Variants in SSH1 observed in about 807,000 individuals in gnomAD.
The protein encoded by SSH1 is protein phosphatase Slingshot homolog 1.
In SSH1, 43 loss-of-function variants were observed where a neutral mutation model predicts 79.7. The ratio of observed to expected loss-of-function variants is 0.54; its 90% CI spans 0.42 to 0.70. The LOEUF is 0.70. Ranked by LOEUF, SSH1 falls within the 30% of genes least tolerant of loss-of-function variation. The pLI is 0.00. For missense variants in SSH1, 1,206 were observed against 1,358.8 expected (o/e 0.89, Z 1.77); for synonymous variants, 599 against 538.3 (o/e 1.11, Z -1.56).
chr12:108,789,256 G>C lies in SSH1; in HGVS notation c.1894-12C>G. On this transcript the variant is annotated splice_polypyrimidine_tract_variant and intron_variant, in intron 14 of 14. Transcript: ENST00000326495. ...AATATAGCATCATCCTGCAAGGAAGGGGACAAGAGCATGGTGAGACGGTGC... is the reference window on the plus strand; with the variant it reads ...AATATAGCATCATCCTGCAAGGAAGCGGACAAGAGCATGGTGAGACGGTGC... The C allele has an allele frequency of 6.3e-7, 1 of 1,585,262 alleles. No homozygotes were observed. The highest frequency in any genetic ancestry group is 8.6e-7 in the Non-Finnish European group (1 of 1,164,798).
rs1486186195 is a variant in SSH1, at chr12:108,785,422, C to T, written c.*2566G>A. 6.6e-6 allele frequency: 1 copy of T among 152,146 alleles called. No individual in the cohort carries two copies. The highest frequency in any genetic ancestry group is 2.4e-5 in the African/African-American group (1 of 41,422). 9.4% of individuals were successfully genotyped at this position (152,146 alleles called of 1,614,324 possible). A position where few individuals can be genotyped will look rare whatever the true frequency, so the allele number is the denominator to read the frequency against. The stretch of plus-strand genomic sequence containing the variant: ...CAGGCGTGAGCCACCGCGCCCGGCC[C>T]CATCATACAGCATTTTAAATAGCCA... On this transcript the variant is annotated 3_prime_UTR_variant, in exon 15 of 15. Transcript: ENST00000326495.
intron 2 of SSH1, among the ~76,000 whole-genome samples, chr12:108,852,238 CT>C (rs372321306): frequency 0.041 from 5,599 of 136,772 alleles, 296 homozygotes; most frequent in African/African-American, 0.12. Context: ...TTGGCATATT[CT>C]TTTTTTTTTT....
chr12:108,833,145 AAAGC>A (rs2038514791), intron 2 of SSH1, among the ~76,000 whole-genome samples: 1 of 152,130 alleles, frequency 6.6e-6, no homozygotes, highest in African/African-American at 2.4e-5. Context: ...CGAGCTCGCA[AAAGC>A]AAGCTTTTTT....
At chr12:108,827,899 G>A (rs2038368536) in intron 2 of SSH1, among the ~76,000 whole-genome samples, 1 of 152,200 alleles carries the variant, frequency 6.6e-6, no homozygotes, top group South Asian at 2.1e-4. Context: ...AGCTATCTGA[G>A]GGGACACGCC....
rs2039167644 is a variant in SSH1, at chr12:108,857,430, C to T, written c.67G>A (p.Glu23Lys). 2.7e-6 allele frequency: 3 copies of T among 1,098,808 alleles called. No homozygotes were observed. Among genetic ancestry groups the T allele is most frequent in the Non-Finnish European group, 3.4e-6 (3 of 888,580 alleles). The allele number at this position is 1,098,808 out of a possible 1,614,324, so 68.1% of individuals were successfully genotyped here. Residue 23 changes from glutamate (E) to lysine (K), a missense_variant and splice_region_variant, in exon 1 of 15, where the codon GAG (glutamate) becomes AAG (lysine). Coordinates refer to ENST00000326495, the MANE Select transcript of SSH1 (RefSeq NM_018984.4). This position sits in a 1 kb window ranked among gnomAD's most constrained non-coding sequence, Gnocchi z 4.7. Reference protein sequence around the residue: ...SAASSSASNSELEAGSEEDRK... With the variant: ...SAASSSASNSKLEAGSEEDRK... ...GGCGCGGCGAGCCCGGGGCTCACCT[C>T]GCTGTTGCTGGCCGAGGAGGAGGCG...
intron 5 of SSH1, 80 bp downstream of exon 5, chr12:108,816,958 A>T: frequency 1.2e-6 from 2 of 1,601,856 alleles, no homozygotes; most frequent in Non-Finnish European, 1.7e-6. Flanking sequence ...CCTCTGATGG[A>T]TATGGGACCA....
chr12:108,855,549 T>C (rs961485253), intron 1 of SSH1, among the ~76,000 whole-genome samples: 2 of 152,190 alleles, frequency 1.3e-5, no homozygotes, highest in African/African-American at 4.8e-5. Context: ...ACAGATTAGG[T>C]TGCAAGTAAC....
intron 4 of SSH1, 93 bp downstream of exon 4, chr12:108,818,156 C>G (rs764483990): frequency 5.1e-5 from 53 of 1,032,528 alleles, no homozygotes; most frequent in Admixed American, 4.2e-4. Context: ...TAAGATCATG[C>G]CACTGCACTC....
intron 2 of SSH1, among the ~76,000 whole-genome samples, chr12:108,829,654 A>C (rs996319493): frequency 6.6e-6 from 1 of 152,306 alleles, no homozygotes; most frequent in Admixed American, 6.5e-5. Context: ...TAGAAACATC[A>C]CAGTATGGAA....
rs375775523 is a variant in SSH1, at chr12:108,787,960, C to T, written c.*28G>A. 64 of 1,613,688 alleles carry T rather than the reference C, an allele frequency of 4.0e-5. No homozygotes were observed. The highest frequency in any genetic ancestry group is 1.1e-4 in the African/African-American group (8 of 74,884). On this transcript the variant is annotated 3_prime_UTR_variant, in exon 15 of 15. Transcript: ENST00000326495. ...GAGGGAGGGATCATATGAAAATATC[C>T]GCCCAGCCTGACGCAGCAAAAGGCG...
At chr12:108,799,713 G>A (rs1295912586) in intron 12 of SSH1, among the ~76,000 whole-genome samples, 1 of 152,238 alleles carries the variant, frequency 6.6e-6, no homozygotes, top group Non-Finnish European at 1.5e-5. Context: ...CTTCAGACAG[G>A]AGGGCCAGGG....
intron 4 of SSH1, 109 bp from the exon 5 acceptor site, chr12:108,817,268 G>A (rs767807533): frequency 1.3e-6 from 2 of 1,512,190 alleles, no homozygotes; most frequent in Non-Finnish European, 1.8e-6. Context: ...CCCTCTGGGA[G>A]TTAAAAATGA....
intron 5 of SSH1, among the ~76,000 whole-genome samples, chr12:108,815,609 C>A (rs1324579160): frequency 6.6e-6 from 1 of 152,200 alleles, no homozygotes; most frequent in African/African-American, 2.4e-5. Flanking sequence ...ATAGATGGGG[C>A]TCTGGGCATT....
chr12:108,853,016 C>T, intron 1 of SSH1: 1 of 985,396 alleles, frequency 1.0e-6, no homozygotes, highest in South Asian at 4.7e-5. Context: ...TGGACCTTAT[C>T]CTGTTTTTCT....
In SSH1 at chr12:108,788,065, G is replaced by T. The variant is rs373095155; in HGVS notation, c.3073C>A (p.Pro1025Thr). ...CCTGATGGTTTGGAGGTTGCAGCTG[G>T]GTCCCTCGGGGTTCCCTGGGGCTCA... is the stretch of plus-strand genomic sequence containing the variant. ...LHEPQGTPRD[P>T]AATSKPSGKP... The change falls in exon 15 of 15, where the codon CCA (proline) becomes ACA (threonine). Residue 1025 changes from proline (P) to threonine (T), a missense_variant. Transcript: ENST00000326495. 3 of 1,613,952 alleles carry T rather than the reference G, an allele frequency of 1.9e-6. No homozygotes were observed. The highest frequency in any genetic ancestry group is 1.7e-6 in the Non-Finnish European group (2 of 1,180,022).
At chr12:108,811,411 G>T in intron 5 of SSH1, 83 bp from the exon 6 acceptor site, 1 of 1,336,574 alleles carries the variant, frequency 7.5e-7, no homozygotes, top group Non-Finnish European at 1.1e-6. Context: ...CCTGGTCCAG[G>T]ACGGGCTGTT....
Position 108,857,576 on chromosome 12 carries a change from G to GC in SSH1, c.-81_-80insG. On this transcript the variant is annotated 5_prime_UTR_variant, in exon 1 of 15. Coordinates refer to ENST00000326495, the MANE Select transcript of SSH1 (RefSeq NM_018984.4). The surrounding 1 kb of genome is among the most constrained non-coding windows in gnomAD (Gnocchi z 4.7). ...CCACCGCCGCCCGGGCCGGGCCCGGGGCCTCCTGGAGCCGCGCGCGGGCGG... is the reference window on the plus strand; with the variant it reads ...CCACCGCCGCCCGGGCCGGGCCCGGGCGCCTCCTGGAGCCGCGCGCGGGCGG... The GC allele has an allele frequency of 2.2e-6, 2 of 888,944 alleles. No homozygotes were observed. The highest frequency in any genetic ancestry group is 2.7e-6 in the Non-Finnish European group (2 of 744,044). The allele number at this position is 888,944 out of a possible 1,614,324, so 55.1% of individuals were successfully genotyped here.
chr12:108,794,103 T>G (rs2036635917), intron 13 of SSH1, among the ~76,000 whole-genome samples: 1 of 152,230 alleles, frequency 6.6e-6, no homozygotes, highest in South Asian at 2.1e-4. Flanking sequence ...TGGACCCTGT[T>G]TAACTCTGCT....
intron 2 of SSH1, among the ~76,000 whole-genome samples, chr12:108,829,049 T>TG (rs1264532325): frequency 2.0e-5 from 3 of 152,012 alleles, no homozygotes; most frequent in Non-Finnish European, 4.4e-5. Flanking sequence ...AAGTAAAAAC[T>TG]GGGGGTGATG....
Sources: gnomAD v4.1 joint callset for allele counts (sites outside exome capture counted in the v4.1 genomes callset) on GRCh38, gnomAD v4.1.1 for gene constraint, Gnocchi (gnomAD v3.1) non-coding constraint, MANE v1.5 for transcripts, NCBI Gene and HGNC (gene_info 2026-07-23, HGNC 2026-07-21) for gene names.